Variants in DNAH11 observed in about 807,000 individuals in gnomAD.
The protein encoded by DNAH11 is dynein axonemal heavy chain 11.
DNAH11 carries 442 observed loss-of-function variants against 526.0 expected under a neutral mutation model. That is an observed-to-expected ratio of 0.84 (90% CI 0.78 to 0.91). The LOEUF (loss-of-function observed/expected upper bound fraction) is 0.91. DNAH11 is among the 40% of genes least tolerant of loss of function. The pLI, the probability that DNAH11 is intolerant of heterozygous loss-of-function variation, is 0.00. For missense variants in DNAH11, 6,989 were observed against 5,448.7 expected, an observed-to-expected ratio of 1.28 and a Z score of -8.90; for synonymous variants, 2,461 against 1,935.9, an observed-to-expected ratio of 1.27 and a Z score of -7.12.
intron 75 of DNAH11, among the ~76,000 whole-genome samples, chr7:21,881,648 A>G (rs758188111): frequency 6.6e-6 from 1 of 152,220 alleles, no homozygotes; most frequent in South Asian, 2.1e-4. Context: ...AAACCAGTCA[A>G]GTGTTGTACT....
rs367811733 is a variant in DNAH11, at chr7:21,885,169, T to TGTAAAAAAAAAAAAAAAAAAA, written c.12507+759_12507+760insGTAAAAAAAAAAAAAAAAAAA. On this transcript the variant is annotated intron_variant, in intron 76 of 81. Coordinates refer to ENST00000409508, the MANE Select transcript of DNAH11 (RefSeq NM_001277115.2). ...TATTTGGATCTTGTTCCAAATGAAC[T>TGTAAAAAAAAAAAAAAAAAAA]ATAAAAAAAAAAAAAAAAACACACA... 4.5e-5 allele frequency among the ~76,000 whole-genome samples: 4 copies of TGTAAAAAAAAAAAAAAAAAAA among 89,426 alleles called. 1 individual carries two copies. The highest frequency in any genetic ancestry group is 9.3e-5 in the Non-Finnish European group (4 of 42,872). 58.7% of individuals were successfully genotyped at this position (89,426 alleles called of 152,430 possible).
chr7:21,641,133 C>T (rs10274031), intron 28 of DNAH11, among the ~76,000 whole-genome samples: 43,506 of 152,126 alleles, frequency 0.29, 9,195 homozygotes, highest in African/African-American at 0.57. Context: ...CCATCTTCCT[C>T]CTCCTTTTCT....
At chr7:21,630,707 C>T (rs1183677010) in intron 25 of DNAH11, among the ~76,000 whole-genome samples, 3 of 152,074 alleles carry the variant, frequency 2.0e-5, no homozygotes, top group African/African-American at 7.2e-5. Context: ...ATTGGAGCTC[C>T]TTTATATCTT....
chr7:21,788,374 T>A (rs1425772113), intron 60 of DNAH11, among the ~76,000 whole-genome samples: 2 of 152,110 alleles, frequency 1.3e-5, no homozygotes, highest in African/African-American at 4.8e-5. Flanking sequence ...GATCTCTCTC[T>A]CTCTTTAGTG....
At chr7:21,750,818 G>A (rs1786381284) in intron 54 of DNAH11, among the ~76,000 whole-genome samples, 1 of 152,096 alleles carries the variant, frequency 6.6e-6, no homozygotes, top group African/African-American at 2.4e-5. Flanking sequence ...TTTATATAAA[G>A]GTCAACTGCA....
chr7:21,761,956 G>C (rs1786938430), intron 54 of DNAH11, among the ~76,000 whole-genome samples: 1 of 152,180 alleles, frequency 6.6e-6, no homozygotes, highest in African/African-American at 2.4e-5. Context: ...TATGGCTGGA[G>C]AGGCCTCAGG....
chr7:21,719,027 G>T (rs1438977357), intron 43 of DNAH11, among the ~76,000 whole-genome samples: 2 of 152,038 alleles, frequency 1.3e-5, no homozygotes, highest in Admixed American at 6.6e-5. Context: ...GCATTATCGT[G>T]TTCTTTCTCA....
chr7:21,748,088 T>C (rs1416883702), intron 51 of DNAH11, among the ~76,000 whole-genome samples: 2 of 152,188 alleles, frequency 1.3e-5, no homozygotes, highest in Admixed American at 6.5e-5. Context: ...AGGGTGAAGG[T>C]AGCGTCTTTG....
At chr7:21,658,074 C>T (rs1266705512) in intron 29 of DNAH11, among the ~76,000 whole-genome samples, 1 of 151,490 alleles carries the variant, frequency 6.6e-6, no homozygotes, top group Non-Finnish European at 1.5e-5. Flanking sequence ...AAAATAAATA[C>T]CTGGATTAAT....
chr7:21,550,135 C>A (rs199546491), intron 2 of DNAH11, among the ~76,000 whole-genome samples: 2 of 142,438 alleles, frequency 1.4e-5, no homozygotes, highest in African/African-American at 5.4e-5. Flanking sequence ...GTCTTTTTTT[C>A]TCCCTTCCAT....
chr7:21,863,762 A>G (rs955496883), intron 69 of DNAH11, among the ~76,000 whole-genome samples: 5 of 152,236 alleles, frequency 3.3e-5, no homozygotes, highest in Admixed American at 6.5e-5. Flanking sequence ...TTTCATAACT[A>G]TATGGATAAT....
chr7:21,687,951 A>G (rs968517349), intron 34 of DNAH11, among the ~76,000 whole-genome samples: 3 of 152,096 alleles, frequency 2.0e-5, no homozygotes, highest in African/African-American at 4.8e-5. Context: ...AGTCCCAGTT[A>G]TTTTTGAGGC....
intron 25 of DNAH11, among the ~76,000 whole-genome samples, chr7:21,621,940 T>C (rs1468402980): frequency 6.6e-6 from 1 of 152,066 alleles, no homozygotes; most frequent in Non-Finnish European, 1.5e-5. Flanking sequence ...ACCACTCCTA[T>C]TCAACATAGT....
At chr7:21,709,218 T>C (rs111451486) in intron 40 of DNAH11, among the ~76,000 whole-genome samples, 147 of 152,328 alleles carry the variant, frequency 9.7e-4, no homozygotes, top group African/African-American at 3.3e-3. Flanking sequence ...ATGGTACATA[T>C]ACACCATGGA....
At chr7:21,637,145 T>G (rs962946602) in intron 26 of DNAH11, among the ~76,000 whole-genome samples, 2 of 152,160 alleles carry the variant, frequency 1.3e-5, no homozygotes, top group African/African-American at 4.8e-5. Flanking sequence ...TATGTAGGTA[T>G]GCTTTTTAAG....
intron 61 of DNAH11, among the ~76,000 whole-genome samples, chr7:21,790,373 C>T (rs1788428712): frequency 1.3e-5 from 2 of 151,940 alleles, no homozygotes; most frequent in African/African-American, 4.8e-5. Flanking sequence ...TGGCGTGAAC[C>T]CAGGAAGTGG....
intron 51 of DNAH11, among the ~76,000 whole-genome samples, chr7:21,746,739 CAACT>C (rs1388286581): frequency 1.3e-5 from 2 of 152,184 alleles, no homozygotes; most frequent in African/African-American, 4.8e-5. Context: ...CCTGTCACCA[CAACT>C]AACTGTTGGT....
Position 21,603,661 on chromosome 7 carries a change from A to G in DNAH11, c.3648+2043A>G, listed in dbSNP as rs551890907. 3.3e-5 allele frequency among the ~76,000 whole-genome samples: 5 copies of G among 152,226 alleles called. No homozygotes were observed. The South Asian group carries it at 6.2e-4, about 19-fold the overall frequency. ...CTTAGAGCTTGCAAGCCAGTTAGACATGGAGCAAGATGACAAGTTCTAGAC... is the reference window on the plus strand; with the variant it reads ...CTTAGAGCTTGCAAGCCAGTTAGACGTGGAGCAAGATGACAAGTTCTAGAC... On this transcript the variant is annotated intron_variant, in intron 18 of 81. Transcript: ENST00000409508.
intron 7 of DNAH11, among the ~76,000 whole-genome samples, chr7:21,571,251 A>G (rs1783876567): frequency 6.6e-6 from 1 of 152,070 alleles, no homozygotes; most frequent in South Asian, 2.1e-4. Flanking sequence ...GTTATGGTAA[A>G]TTAGAGGTTG....
Sources: allele counts gnomAD v4.1 joint callset (sites outside exome capture counted in the v4.1 genomes callset), GRCh38; gene constraint gnomAD v4.1.1; transcripts MANE v1.5; gene names NCBI Gene and HGNC (gene_info 2026-07-23, HGNC 2026-07-21).